PLEKHH2: variants seen among roughly 807,000 people sequenced by gnomAD.
The protein encoded by PLEKHH2 is pleckstrin homology, MyTH4 and FERM domain containing H2.
A neutral mutation model predicts 187.9 loss-of-function variants in PLEKHH2; 129 were observed. The observed-to-expected ratio is 0.69, with a 90% CI of 0.59 to 0.79. PLEKHH2 has a LOEUF of 0.79. Among genes scored for constraint, PLEKHH2 ranks in the 30% least tolerant of loss-of-function variants. PLEKHH2 has a pLI of 0.00. For missense variants in PLEKHH2, 2,076 were observed against 1,751.2 expected, an observed-to-expected ratio of 1.19 and a Z score of -3.31; for synonymous variants, 686 against 605.6, an observed-to-expected ratio of 1.13 and a Z score of -1.95.
chr2:43,699,306 A>C (rs1008880390), intron 7 of PLEKHH2, among the ~76,000 whole-genome samples: 6 of 152,218 alleles, frequency 3.9e-5, no homozygotes, highest in Non-Finnish European at 8.8e-5. Context: ...TATAGTTTTC[A>C]AAAACTTGTG....
chr2:43,679,035 TG>T lies in PLEKHH2; in HGVS notation c.186+111del, dbSNP rs1394971221. 10 of 657,070 alleles carry T rather than the reference TG, an allele frequency of 1.5e-5. 1 individual carries two copies. The South Asian group carries it at 2.4e-4, about 16-fold the overall frequency. 40.7% of individuals were successfully genotyped at this position (657,070 alleles called of 1,614,324 possible). ...AGCCCACCTCTACATCTTATCTTTT[TG>T]ACTGTTCATAGCTTGATCCATAAAG... On this transcript the variant is annotated intron_variant, in intron 3 of 29. Coordinates refer to ENST00000282406, the MANE Select transcript of PLEKHH2 (RefSeq NM_172069.4).
intron 27 of PLEKHH2, 138 bp downstream of exon 27, chr2:43,759,167 C>T: frequency 2.3e-6 from 3 of 1,312,752 alleles, no homozygotes; most frequent in East Asian, 2.6e-5. Context: ...AATGAAGAGA[C>T]ACTAGAGAAA....
At chr2:43,666,172 C>T (rs930611459) in intron 2 of PLEKHH2, among the ~76,000 whole-genome samples, 4 of 149,804 alleles carry the variant, frequency 2.7e-5, no homozygotes, top group South Asian at 2.1e-4. Context: ...GATATAGTCT[C>T]GTGGTGCGCC....
At chr2:43,692,441 G>T in intron 3 of PLEKHH2, 73 bp from the exon 4 acceptor site, 1 of 1,254,796 alleles carries the variant, frequency 8.0e-7, no homozygotes, top group Non-Finnish European at 1.1e-6. Flanking sequence ...TAATATTAAG[G>T]TAAAATTCTA....
intron 16 of PLEKHH2, 31 bp downstream of exon 16, chr2:43,720,780 A>G: frequency 1.3e-6 from 2 of 1,584,666 alleles, no homozygotes; most frequent in Non-Finnish European, 1.7e-6. Flanking sequence ...TGCCAATTGA[A>G]GTAACTTTTT....
At position 43,700,099 on chromosome 2, in the gene PLEKHH2, A is replaced by T. The variant is rs773698115; in HGVS notation, c.1141A>T (p.Ser381Cys). The T allele has an allele frequency of 6.2e-7, 1 of 1,614,148 alleles. No individual in the cohort carries two copies. The highest frequency in any genetic ancestry group is 8.5e-7 in the Non-Finnish European group (1 of 1,179,996). ...NSELSKKEQDSSSDELNKKFQ... is the reference protein window; with the variant it reads ...NSELSKKEQDCSSDELNKKFQ... ...TGAATTAAGTAAAAAGGAACAAGATAGTTCCTCGGATGAACTGAATAAAAA... is the reference window on the plus strand; with the variant it reads ...TGAATTAAGTAAAAAGGAACAAGATTGTTCCTCGGATGAACTGAATAAAAA... The change falls in exon 8 of 30, where the codon AGT becomes TGT. Residue 381 changes from serine to cysteine, a missense_variant. By Grantham distance (112) the Ser-to-Cys change is moderately radical. Transcript: ENST00000282406.
chr2:43,742,643 C>T, intron 21 of PLEKHH2, 98 bp from the exon 22 acceptor site: 1 of 894,540 alleles, frequency 1.1e-6, no homozygotes. Flanking sequence ...TAGCCTAATA[C>T]ATTGTGATAA....
At chr2:43,757,837 A>G (rs1672276486) in intron 26 of PLEKHH2, among the ~76,000 whole-genome samples, 1 of 151,830 alleles carries the variant, frequency 6.6e-6, no homozygotes, top group African/African-American at 2.4e-5. Context: ...GTCCAGAACA[A>G]CCCTGATAAT....
chr2:43,678,675 G>A (rs914963966), intron 2 of PLEKHH2, among the ~76,000 whole-genome samples, 188 bp from the exon 3 acceptor site: 2 of 151,910 alleles, frequency 1.3e-5, no homozygotes, highest in Admixed American at 1.3e-4. Context: ...GTCCAGCTTC[G>A]GCTCGGCATC....
chr2:43,653,494 T>C (rs935830937), intron 2 of PLEKHH2, among the ~76,000 whole-genome samples: 2 of 152,164 alleles, frequency 1.3e-5, no homozygotes, highest in East Asian at 3.9e-4. Flanking sequence ...ACATTCAAGG[T>C]CCCATGTAAC....
intron 2 of PLEKHH2, among the ~76,000 whole-genome samples, chr2:43,672,701 C>A (rs1434341472): frequency 6.6e-6 from 1 of 152,194 alleles, no homozygotes; most frequent in African/African-American, 2.4e-5. Flanking sequence ...GCAGAATTAT[C>A]TTTGATTAAC....
intron 3 of PLEKHH2, among the ~76,000 whole-genome samples, chr2:43,689,505 C>T (rs1281472589): frequency 6.6e-6 from 1 of 152,120 alleles, no homozygotes; most frequent in Non-Finnish European, 1.5e-5. Flanking sequence ...AGCTATTTTC[C>T]ATATGGTTGT....
rs77000099 is a variant in PLEKHH2 at position 43,740,094 on chromosome 2, A to G, written c.3124-852A>G. On this transcript the variant is annotated intron_variant, in intron 20 of 29. Transcript: ENST00000282406. ...CGTTTTAAAAATGGCTGAAAATTAT[A>G]CATAGGAAACAAGGGCAAATAAGAT... Among the ~76,000 whole-genome samples the G allele has an allele frequency of 5.6e-3, 853 of 152,324 alleles. 17 individuals are homozygous for G. The highest frequency in any genetic ancestry group is 0.019 in the African/African-American group (805 of 41,570).
intron 1 of PLEKHH2, 43 bp from the exon 2 acceptor site, chr2:43,644,628 G>A (rs745581411): frequency 1.4e-6 from 2 of 1,406,748 alleles, no homozygotes; most frequent in Non-Finnish European, 9.6e-7. Context: ...GCATTTGAAT[G>A]TTTTACTTTT....
rs114479353 is a variant in PLEKHH2 at position 43,710,956 on chromosome 2, T to C, written c.2301+381T>C. The stretch of plus-strand genomic sequence containing the variant: ...AAATTCAGGAATGTTTGTATTTTAA[T>C]ATAGAATCTGAAAATGACAGTTCTT... On this transcript the variant is annotated intron_variant, in intron 14 of 29. Transcript: ENST00000282406. The C allele has an allele frequency of 1.1e-3, 1,150 of 1,007,860 alleles. 11 individuals carry two copies. In the African/African-American group the frequency reaches 0.018, roughly 16 times the overall value. 62.4% of individuals were successfully genotyped at this position (1,007,860 alleles called of 1,614,324 possible).
intron 19 of PLEKHH2, among the ~76,000 whole-genome samples, chr2:43,733,312 G>A (rs540618737): frequency 2.0e-5 from 3 of 147,594 alleles, no homozygotes; most frequent in Admixed American, 6.9e-5. Context: ...GCACTGAGCC[G>A]AGATCGCACC....
chr2:43,719,210 C>G (rs1670360132), intron 15 of PLEKHH2, among the ~76,000 whole-genome samples: 3 of 152,134 alleles, frequency 2.0e-5, no homozygotes, highest in Admixed American at 2.0e-4. Context: ...ATCTGTTACT[C>G]CAGGGCCTAT....
At chr2:43,654,679 A>G (rs112655476) in intron 2 of PLEKHH2, among the ~76,000 whole-genome samples, 2,004 of 142,824 alleles carry the variant, frequency 0.014, 59 homozygotes, top group African/African-American at 0.051. Context: ...AGAGTTCAAG[A>G]CCAGCTTGGG....
At chr2:43,676,372 G>A (rs1202283250) in intron 2 of PLEKHH2, 1 of 1,442,936 alleles carries the variant, frequency 6.9e-7, no homozygotes, top group South Asian at 1.4e-5. Context: ...CCTGGGACCG[G>A]GTCCTGGGGT....
Sources: gnomAD v4.1 joint callset for allele counts (sites outside exome capture counted in the v4.1 genomes callset) on GRCh38, gnomAD v4.1.1 for gene constraint, MANE v1.5 for transcripts, NCBI Gene and HGNC (gene_info 2026-07-23, HGNC 2026-07-21) for gene names.